The following USP34 variants were observed in gnomAD, a reference collection of about 807,000 sequenced individuals.
USP34 encodes the protein ubiquitin specific peptidase 34, also known as ubiquitin carboxyl-terminal hydrolase 34.
In USP34, 70 loss-of-function variants were observed where a neutral mutation model predicts 460.3. The observed-to-expected ratio is 0.15, with a 90% CI of 0.13 to 0.19. The LOEUF is 0.19. Among genes scored for constraint, USP34 ranks in the 10% least tolerant of loss-of-function variants. The pLI is 1.00. For synonymous variants in USP34, 1,647 were observed against 1,405.3 expected (o/e 1.17, Z -3.85); for missense variants, 3,985 against 4,236.2 (o/e 0.94, Z 1.65).
intron 41 of USP34, among the ~76,000 whole-genome samples, chr2:61,276,671 A>G (rs1483746082): frequency 6.6e-6 from 1 of 152,200 alleles, no homozygotes; most frequent in African/African-American, 2.4e-5. Flanking sequence ...GATAAAAGTT[A>G]TATACTAGTT....
chr2:61,244,262 G>C (rs1688360531), intron 51 of USP34, among the ~76,000 whole-genome samples: 3 of 152,090 alleles, frequency 2.0e-5, no homozygotes, highest in South Asian at 4.1e-4. Flanking sequence ...ATTGATACTA[G>C]GATAAACTGC....
At chr2:61,443,429 G>A (rs1053681442) in intron 1 of USP34, among the ~76,000 whole-genome samples, 2 of 150,558 alleles carry the variant, frequency 1.3e-5, no homozygotes, top group African/African-American at 2.5e-5. Context: ...CCATAAACAC[G>A]TACAATTATT....
intron 1 of USP34, among the ~76,000 whole-genome samples, chr2:61,443,462 T>A (rs1046824843): frequency 2.7e-5 from 4 of 147,174 alleles, no homozygotes; most frequent in Non-Finnish European, 4.5e-5. Context: ...ATAAATTTTT[T>A]AAAAAGCTAT....
Position 61,339,664 on chromosome 2 carries a change from G to A in USP34, c.2518C>T (p.His840Tyr), listed in dbSNP as rs765094716. 1.4e-6 allele frequency: 2 copies of A among 1,471,448 alleles called. No individual in the cohort carries two copies. The highest frequency in any genetic ancestry group is 9.0e-7 in the Non-Finnish European group (1 of 1,105,928). 91.1% of individuals were successfully genotyped at this position (1,471,448 alleles called of 1,614,324 possible). Residue 840 changes from histidine (H) to tyrosine (Y), a missense_variant, in exon 17 of 80, where the codon CAT becomes TAT. Transcript: ENST00000398571. ...HLSQGPVVHK[H>Y]QFNSNAVTDI... ...GTAACAGCATTACTGTTGAATTGAT[G>A]TTTATGAACTACAGGTCCTGAAGAG...
chr2:61,394,623 T>C (rs979200971), intron 5 of USP34, among the ~76,000 whole-genome samples: 2 of 151,870 alleles, frequency 1.3e-5, no homozygotes, highest in South Asian at 2.1e-4. Context: ...AAATAGATAA[T>C]TATAGATAGT....
chr2:61,420,784 A>T lies in USP34; in HGVS notation c.93T>A (p.Thr31=). The T allele has an allele frequency of 2.5e-6, 4 of 1,611,418 alleles. No homozygotes were observed. The highest frequency in any genetic ancestry group is 3.4e-6 in the Non-Finnish European group (4 of 1,178,678). Residue 31 remains threonine, a synonymous_variant, in exon 2 of 80, where the codon ACT becomes ACA. Transcript: ENST00000398571. ...AATTGATATAAGTAAATATTTTGAG[A>T]GTATGTTCCTTTCTGAGCTGCAGTC... The part of the protein sequence containing the change: ...GDGLQLRKEH[T]LKIFTYINSW...
intron 15 of USP34, among the ~76,000 whole-genome samples, chr2:61,345,764 A>C (rs1691748279): frequency 6.6e-6 from 1 of 152,110 alleles, no homozygotes; most frequent in South Asian, 2.1e-4. Flanking sequence ...CCTCCCAATT[A>C]TCTAGAACTA....
At chr2:61,431,779 G>C (rs1278471696) in intron 1 of USP34, among the ~76,000 whole-genome samples, 1 of 152,080 alleles carries the variant, frequency 6.6e-6, no homozygotes, top group African/African-American at 2.4e-5. Flanking sequence ...ACTTGAACCC[G>C]GGAGGCGGAG....
chr2:61,327,109 G>A lies in USP34; in HGVS notation c.2931-1652C>T, dbSNP rs75977953. On this transcript the variant is annotated intron_variant, in intron 20 of 79. Coordinates refer to ENST00000398571, the MANE Select transcript of USP34 (RefSeq NM_014709.4). ...CCTGGGCATCTTAATTCAATGTCCT[G>A]TAATCCACAAGTAAGAGCAAAATTT... 9.1e-3 allele frequency among the ~76,000 whole-genome samples: 1,387 copies of A among 152,078 alleles called. 21 individuals are homozygous for A. The highest frequency in any genetic ancestry group is 0.032 in the African/African-American group (1,322 of 41,476).
Position 61,243,839 on chromosome 2 carries a change from C to A in USP34, c.6627+1371G>T, listed in dbSNP as rs1319090354. Among the ~76,000 whole-genome samples the A allele has an allele frequency of 2.7e-5, 4 of 149,994 alleles. No homozygotes were observed. The East Asian group carries it at 7.9e-4, about 29-fold the overall frequency. ...GAGCCAAGATCACGCCACTGTACCCCAGCTTGGTGACAGAGTGAGACTGTC... is the reference window on the plus strand; with the variant it reads ...GAGCCAAGATCACGCCACTGTACCCAAGCTTGGTGACAGAGTGAGACTGTC... On this transcript the variant is annotated intron_variant, in intron 51 of 79. Transcript: ENST00000398571.
At chr2:61,395,067 C>A (rs922602638) in intron 4 of USP34, 65 bp from the exon 5 acceptor site, 7 of 1,495,766 alleles carry the variant, frequency 4.7e-6, no homozygotes, top group Non-Finnish European at 6.3e-6. Context: ...CTTAGCAATA[C>A]TGGAAAGATA....
At chr2:61,282,192 T>C (rs908862863) in intron 37 of USP34, among the ~76,000 whole-genome samples, 3 of 152,176 alleles carry the variant, frequency 2.0e-5, no homozygotes, top group Non-Finnish European at 4.4e-5. Flanking sequence ...GGTTTCACCA[T>C]GTTGGCCAGG....
At chr2:61,269,345 T>TA (rs1288144958) in intron 41 of USP34, among the ~76,000 whole-genome samples, 2 of 132,532 alleles carry the variant, frequency 1.5e-5, no homozygotes, top group Admixed American at 7.6e-5. Flanking sequence ...TTTTTTTTTT[T>TA]AATAGAGACA....
At position 61,348,041 on chromosome 2, in the gene USP34, A is replaced by G; in HGVS notation, c.2114T>C (p.Ile705Thr). Residue 705 changes from isoleucine to threonine, a missense_variant, in exon 15 of 80, where the codon ATT becomes ACT. Ile to Thr is a moderately conservative substitution (Grantham distance 89). Transcript: ENST00000398571. ...ATGAGTAGCATTCATTTCCCCTGAA[A>G]TATCATGTTCTGGGTCTTCAGAGTG... ...CSHSEDPEHD[I>T]SGEMNATHIA... 4 of 1,614,194 alleles carry G rather than the reference A, an allele frequency of 2.5e-6. No homozygotes were observed. The highest frequency in any genetic ancestry group is 3.4e-6 in the Non-Finnish European group (4 of 1,180,028).
At chr2:61,390,664 A>G (rs183033592) in intron 5 of USP34, among the ~76,000 whole-genome samples, 2 of 152,340 alleles carry the variant, frequency 1.3e-5, no homozygotes, top group East Asian at 3.9e-4. Flanking sequence ...AAACAAATGT[A>G]TGGGCTTGAC....
intron 70 of USP34, 87 bp from the exon 71 acceptor site, chr2:61,206,973 T>A: frequency 1.4e-6 from 2 of 1,408,096 alleles, no homozygotes; most frequent in East Asian, 2.4e-5. Context: ...CTACGATAGA[T>A]GTTTTCAGAC....
At chr2:61,256,519 T>C in intron 47 of USP34, 41 bp from the exon 48 acceptor site, 1 of 1,447,074 alleles carries the variant, frequency 6.9e-7, no homozygotes. Flanking sequence ...TATTATTGTT[T>C]ATAGCATGCA....
intron 10 of USP34, among the ~76,000 whole-genome samples, chr2:61,358,221 T>TAAATAAATA (rs200105688): frequency 2.1e-5 from 3 of 144,294 alleles, no homozygotes; most frequent in Non-Finnish European, 4.6e-5. Flanking sequence ...AATAAATAAA[T>TAAATAAATA]AAGAATGTTA....
chr2:61,339,526 C>A, intron 17 of USP34, 40 bp downstream of exon 17: 1 of 1,560,632 alleles, frequency 6.4e-7, no homozygotes, highest in Non-Finnish European at 8.6e-7. Context: ...TTGCATCTTG[C>A]TGAAATTTCT....
Sources: allele counts gnomAD v4.1 joint callset (sites outside exome capture counted in the v4.1 genomes callset), GRCh38; gene constraint gnomAD v4.1.1; transcripts MANE v1.5; gene names NCBI Gene and HGNC (gene_info 2026-07-23, HGNC 2026-07-21).